The following RGS6 variants were observed in gnomAD, a reference collection of about 807,000 sequenced individuals.
RGS6 encodes the protein regulator of G protein signaling 6.
RGS6 carries 30 observed loss-of-function variants against 78.5 expected under a neutral mutation model. That is an observed-to-expected ratio of 0.38 (90% CI 0.29 to 0.52). The LOEUF (loss-of-function observed/expected upper bound fraction) is 0.52, where lower values mean the gene tolerates loss of function less well. Ranked by LOEUF, RGS6 falls within the 20% of genes least tolerant of loss-of-function variation. The pLI is 0.85. For missense variants in RGS6, 495 were observed against 609.7 expected (o/e 0.81, Z 1.98); for synonymous variants, 206 against 206.0 (o/e 1.00, Z 0.00).
intron 2 of RGS6, among the ~76,000 whole-genome samples, chr14:72,036,169 C>T (rs1444912587): frequency 6.7e-6 from 1 of 148,750 alleles, no homozygotes; most frequent in Non-Finnish European, 1.5e-5. Context: ...CATAATGCCT[C>T]GAAGACTCAT....
At position 72,052,957 on chromosome 14, in the gene RGS6, C is replaced by A. The variant is rs1021090971; in HGVS notation, c.84+88082C>A. Among the ~76,000 whole-genome samples the A allele has an allele frequency of 4.9e-4, 20 of 40,766 alleles. 1 individual carries two copies. The highest frequency in any genetic ancestry group is 3.8e-3 in the African/African-American group (20 of 5,280). 26.7% of individuals were successfully genotyped at this position (40,766 alleles called of 152,430 possible). A position where few individuals can be genotyped will look rare whatever the true frequency, so the allele number is the denominator to read the frequency against. ...TCTTTCTTTCTTTCTTTCTTTCTTT[C>A]TTTCTTTCTTTCTTTCTTTCTTTCT... is the stretch of plus-strand genomic sequence containing the variant. On this transcript the variant is annotated intron_variant, in intron 2 of 17. Coordinates refer to ENST00000553525, the MANE Select transcript of RGS6 (RefSeq NM_001204424.2).
intron 3 of RGS6, among the ~76,000 whole-genome samples, chr14:72,373,425 A>G (rs1277999972): frequency 6.6e-6 from 1 of 152,224 alleles, no homozygotes; most frequent in East Asian, 1.9e-4. Context: ...TAAGAAAGTA[A>G]GGGAAATTTT....
intron 17 of RGS6, chr14:72,541,491 G>T: frequency 6.5e-7 from 1 of 1,535,720 alleles, no homozygotes; most frequent in Non-Finnish European, 8.7e-7. Context: ...CACAAGGCCT[G>T]CGGGTGCCTG....
At chr14:72,016,945 T>C (rs2087144799) in intron 2 of RGS6, among the ~76,000 whole-genome samples, 1 of 152,220 alleles carries the variant, frequency 6.6e-6, no homozygotes, top group African/African-American at 2.4e-5. Context: ...GTTTATTTAG[T>C]TCTCTTTTTA....
At chr14:72,307,141 G>A (rs2067424169) in intron 2 of RGS6, among the ~76,000 whole-genome samples, 1 of 152,156 alleles carries the variant, frequency 6.6e-6, no homozygotes, top group African/African-American at 2.4e-5. Flanking sequence ...ATTACAACTT[G>A]CTGAAGGCTC....
chr14:72,174,805 G>A (rs899952516), intron 2 of RGS6, among the ~76,000 whole-genome samples: 1 of 152,208 alleles, frequency 6.6e-6, no homozygotes, highest in African/African-American at 2.4e-5. Flanking sequence ...TCAGTCTGAG[G>A]TCGCAGTGAT....
At chr14:72,341,059 G>GTA (rs1464394292) in intron 2 of RGS6, among the ~76,000 whole-genome samples, 2 of 152,122 alleles carry the variant, frequency 1.3e-5, no homozygotes, top group African/African-American at 4.8e-5. Flanking sequence ...TAGAACATGG[G>GTA]TATTAGTTCA....
intron 2 of RGS6, among the ~76,000 whole-genome samples, chr14:72,104,904 A>G (rs929972389): frequency 1.3e-5 from 2 of 152,196 alleles, no homozygotes; most frequent in African/African-American, 4.8e-5. Flanking sequence ...TGGGAATGAC[A>G]CTTTGAGTAC....
chr14:72,285,685 G>C (rs780351317), intron 2 of RGS6, among the ~76,000 whole-genome samples: 2 of 152,116 alleles, frequency 1.3e-5, no homozygotes, highest in African/African-American at 2.4e-5. Context: ...GCCAGCACTT[G>C]TCTTTTTGAT....
chr14:72,275,156 G>A (rs940215756), intron 2 of RGS6, among the ~76,000 whole-genome samples: 5 of 152,102 alleles, frequency 3.3e-5, no homozygotes, highest in African/African-American at 1.2e-4. Context: ...TTGTATGATA[G>A]TTATATATGG....
the RGS6 span, among the ~76,000 whole-genome samples, chr14:71,888,328 G>A: frequency 6.6e-6 from 1 of 151,546 alleles, no homozygotes; most frequent in Non-Finnish European, 1.5e-5. Context: ...CAAGGCAGGA[G>A]AATTGCTTGA....
At chr14:72,284,153 CA>C (rs2062065375) in intron 2 of RGS6, among the ~76,000 whole-genome samples, 1 of 152,160 alleles carries the variant, frequency 6.6e-6, no homozygotes, top group Non-Finnish European at 1.5e-5. Flanking sequence ...GAAAGGGAAA[CA>C]GAGCATAAAA....
the RGS6 span, among the ~76,000 whole-genome samples, chr14:71,887,514 G>A: frequency 2.0e-5 from 3 of 152,108 alleles, no homozygotes; most frequent in African/African-American, 7.2e-5. Context: ...CCCTGGGAAA[G>A]GAATGCATTC....
chr14:72,239,338 A>G (rs1350664346), intron 2 of RGS6, among the ~76,000 whole-genome samples: 1 of 151,984 alleles, frequency 6.6e-6, no homozygotes, highest in Non-Finnish European at 1.5e-5. Context: ...ATACTTTGCC[A>G]TTTTGTCTCT....
At chr14:72,444,855 A>G (rs1422845053) in intron 3 of RGS6, among the ~76,000 whole-genome samples, 1 of 152,288 alleles carries the variant, frequency 6.6e-6, no homozygotes, top group Non-Finnish European at 1.5e-5. Flanking sequence ...CTGTGTCTGG[A>G]TGTAATGCCT....
chr14:72,537,627 C>T (rs2097268120), intron 16 of RGS6: 1 of 680,294 alleles, frequency 1.5e-6, no homozygotes, highest in Non-Finnish European at 2.7e-6. Context: ...TCATACATGG[C>T]TCTAATGCCC....
At chr14:72,454,734 A>G (rs1296700139) in intron 4 of RGS6, among the ~76,000 whole-genome samples, 156 bp downstream of exon 4, 2 of 152,126 alleles carry the variant, frequency 1.3e-5, no homozygotes, top group East Asian at 3.8e-4. Context: ...AAATTAATTT[A>G]TTTTCTCCAC....
the RGS6 span, among the ~76,000 whole-genome samples, chr14:71,900,879 G>C: frequency 6.6e-6 from 1 of 152,100 alleles, no homozygotes; most frequent in Non-Finnish European, 1.5e-5. Flanking sequence ...GAAGGCAAAG[G>C]GTGAGCCGAC....
At chr14:72,005,439 C>CTCTATCTGTCTATCTATCTA (rs1555428329) in intron 2 of RGS6, among the ~76,000 whole-genome samples, 3 of 143,638 alleles carry the variant, frequency 2.1e-5, no homozygotes, top group African/African-American at 7.6e-5. Context: ...ACCTGCATAT[C>CTCTATCTGTCTATCTATCTA]TCTATCTATC....
Sources: allele counts gnomAD v4.1 joint callset (sites outside exome capture counted in the v4.1 genomes callset), GRCh38; gene constraint gnomAD v4.1.1; transcripts MANE v1.5; gene names NCBI Gene and HGNC (gene_info 2026-07-23, HGNC 2026-07-21).